Variants in DNAH9 observed in about 807,000 individuals in gnomAD.
DNAH9 encodes the protein DNAH9 variant protein.
Under a neutral mutation model 471.6 loss-of-function variants are expected in DNAH9, and 345 were observed. The ratio of observed to expected loss-of-function variants is 0.73; its 90% confidence interval spans 0.67 to 0.80. The LOEUF (loss-of-function observed/expected upper bound fraction) is 0.80, where lower values mean the gene tolerates loss of function less well. Ranked by LOEUF, DNAH9 falls within the 30% of genes least tolerant of loss-of-function variation. DNAH9 has a pLI of 0.00. For missense variants in DNAH9, 5,407 were observed against 5,609.2 expected (o/e 0.96, Z 1.15); for synonymous variants, 2,093 against 2,123.6 (o/e 0.99, Z 0.40).
chr17:11,876,765 G>A (rs1972502493), intron 53 of DNAH9, among the ~76,000 whole-genome samples: 1 of 152,134 alleles, frequency 6.6e-6, no homozygotes, highest in African/African-American at 2.4e-5. Flanking sequence ...TGTCACCCAG[G>A]CTGGAGTGCA....
At chr17:11,664,192 A>G (rs2073825359) in intron 14 of DNAH9, among the ~76,000 whole-genome samples, 1 of 151,934 alleles carries the variant, frequency 6.6e-6, no homozygotes, top group Non-Finnish European at 1.5e-5. Flanking sequence ...TTGAAGCCCA[A>G]ACTTTGTTAC....
intron 61 of DNAH9, among the ~76,000 whole-genome samples, chr17:11,920,551 G>A (rs1974105121): frequency 6.6e-6 from 1 of 150,654 alleles, no homozygotes; most frequent in African/African-American, 2.4e-5. Context: ...AACCTAGGAG[G>A]CAGAGGTTGC....
At chr17:11,955,671 G>C (rs1975605714) in intron 67 of DNAH9, among the ~76,000 whole-genome samples, 1 of 152,218 alleles carries the variant, frequency 6.6e-6, no homozygotes, top group Non-Finnish European at 1.5e-5. Context: ...TAAGGGAAAA[G>C]ACATAGGTGG....
At chr17:11,924,904 A>G (rs1974267196) in intron 62 of DNAH9, among the ~76,000 whole-genome samples, 1 of 152,122 alleles carries the variant, frequency 6.6e-6, no homozygotes. Context: ...GATTACAGGC[A>G]TGAGCCACTG....
At chr17:11,737,699 C>A (rs2075369079) in intron 28 of DNAH9, among the ~76,000 whole-genome samples, 1 of 152,142 alleles carries the variant, frequency 6.6e-6, no homozygotes, top group Non-Finnish European at 1.5e-5. Context: ...TCTGACTGGG[C>A]CAAGCTTCAG....
intron 26 of DNAH9, among the ~76,000 whole-genome samples, chr17:11,710,369 T>C (rs1018684074): frequency 6.6e-6 from 1 of 152,158 alleles, no homozygotes; most frequent in Non-Finnish European, 1.5e-5. Flanking sequence ...AAATTTTGTA[T>C]TTTTCCTTAG....
rs199800683 is a variant in DNAH9, at chr17:11,822,537, T to C, written c.8950T>C (p.Trp2984Arg). ...CACAGCCATCCACTGGTTCCACGAG[T>C]GGCCTCAGCAAGCATTGGAGTCTGT... ...NCTAIHWFHEWPQQALESVSL... is the reference protein window; with the variant it reads ...NCTAIHWFHERPQQALESVSL... The change falls in exon 47 of 69, where the codon TGG becomes CGG. Residue 2984 changes from tryptophan to arginine, a missense_variant. Trp to Arg is a moderately radical substitution (Grantham distance 101). Coordinates refer to ENST00000262442, the MANE Select transcript of DNAH9 (RefSeq NM_001372.4). 6 of 1,614,062 alleles carry C rather than the reference T, an allele frequency of 3.7e-6. No individual in the cohort carries two copies. In the Admixed American group the frequency reaches 1.0e-4, roughly 27 times the overall value.
intron 32 of DNAH9, among the ~76,000 whole-genome samples, chr17:11,749,619 A>T (rs1466062102): frequency 6.6e-6 from 1 of 151,624 alleles, no homozygotes; most frequent in Non-Finnish European, 1.5e-5. Flanking sequence ...TTACATTAAC[A>T]TTTTTTATCC....
chr17:11,752,037 C>G (rs1234955090), intron 32 of DNAH9, among the ~76,000 whole-genome samples: 1 of 152,038 alleles, frequency 6.6e-6, no homozygotes, highest in African/African-American at 2.4e-5. Flanking sequence ...CACATTTAAC[C>G]AAACACATAT....
intron 36 of DNAH9, among the ~76,000 whole-genome samples, chr17:11,764,233 C>A (rs1967838106): frequency 6.6e-6 from 1 of 152,100 alleles, no homozygotes; most frequent in South Asian, 2.1e-4. Context: ...TGCATCCTGT[C>A]CCCCAACCCT....
intron 33 of DNAH9, among the ~76,000 whole-genome samples, chr17:11,755,686 A>G (rs981989477): frequency 4.7e-5 from 7 of 149,082 alleles, no homozygotes; most frequent in Admixed American, 3.3e-4. Context: ...CTCAACACAC[A>G]TACACACACA....
intron 10 of DNAH9, among the ~76,000 whole-genome samples, chr17:11,642,897 CA>C (rs1326445445): frequency 5.3e-5 from 8 of 152,064 alleles, no homozygotes; most frequent in Middle Eastern, 3.4e-3. Flanking sequence ...ACTGAGTAAT[CA>C]GGGGGAAAAA....
intron 63 of DNAH9, among the ~76,000 whole-genome samples, 167 bp downstream of exon 63, chr17:11,930,260 C>T (rs1343485992): frequency 6.6e-6 from 1 of 152,094 alleles, no homozygotes; most frequent in Non-Finnish European, 1.5e-5. Flanking sequence ...TCAGGGCAAC[C>T]CCACTCTCCA....
At chr17:11,617,041 T>C (rs1374850051) in intron 4 of DNAH9, among the ~76,000 whole-genome samples, 1 of 152,210 alleles carries the variant, frequency 6.6e-6, no homozygotes, top group African/African-American at 2.4e-5. Flanking sequence ...CCCAAAGTCA[T>C]ACAATTGCCA....
chr17:11,643,439 TA>T (rs2073316941), intron 10 of DNAH9, among the ~76,000 whole-genome samples: 1 of 152,166 alleles, frequency 6.6e-6, no homozygotes, highest in African/African-American at 2.4e-5. Flanking sequence ...TTTAAATATA[TA>T]AAAAACATGT....
chr17:11,630,482 G>C (rs200411742), intron 7 of DNAH9: 1 of 152,280 alleles, frequency 6.6e-6, no homozygotes, highest in East Asian at 1.9e-4. Flanking sequence ...TCACTCATAA[G>C]TGGGAGTTGA....
chr17:11,829,737 T>C (rs1256029893), intron 48 of DNAH9, among the ~76,000 whole-genome samples: 1 of 152,210 alleles, frequency 6.6e-6, no homozygotes, highest in Non-Finnish European at 1.5e-5. Flanking sequence ...CCTTCCAAAG[T>C]GCTGGGATTA....
chr17:11,788,119 CCTGA>C (rs2150903381), intron 41 of DNAH9, among the ~76,000 whole-genome samples: 1 of 152,260 alleles, frequency 6.6e-6, no homozygotes, highest in East Asian at 1.9e-4. Context: ...TGTCAACCAC[CCTGA>C]CTATTTGGCT....
intron 67 of DNAH9, among the ~76,000 whole-genome samples, chr17:11,958,081 T>G (rs1975754889): frequency 6.6e-6 from 1 of 152,198 alleles, no homozygotes; most frequent in East Asian, 1.9e-4. Context: ...TATTCAATGC[T>G]TTTTAAAAAA....
Sources: allele counts gnomAD v4.1 joint callset (sites outside exome capture counted in the v4.1 genomes callset), GRCh38; gene constraint gnomAD v4.1.1; transcripts MANE v1.5; gene names NCBI Gene and HGNC (gene_info 2026-07-23, HGNC 2026-07-21).